MAGI2: variants seen among roughly 807,000 people sequenced by gnomAD.
The protein encoded by MAGI2 is membrane associated guanylate kinase, WW and PDZ domain containing 2.
A neutral mutation model predicts 133.3 loss-of-function variants in MAGI2; 35 were observed. The observed-to-expected ratio is 0.26, with a 90% CI of 0.20 to 0.35. The LOEUF (loss-of-function observed/expected upper bound fraction) is 0.35, where lower values mean the gene tolerates loss of function less well. MAGI2 is among the 10% of genes least tolerant of loss of function. The pLI, the probability that MAGI2 is intolerant of heterozygous loss-of-function variation, is 1.00. For synonymous variants in MAGI2, 729 were observed against 710.6 expected (o/e 1.03, Z -0.41); for missense variants, 1,636 against 1,863.4 (o/e 0.88, Z 2.25).
chr7:79,095,207 G>C (rs1584917079), intron 1 of MAGI2, among the ~76,000 whole-genome samples: 2 of 152,140 alleles, frequency 1.3e-5, no homozygotes, highest in African/African-American at 4.8e-5. Context: ...ACCTCTCTCA[G>C]CCTTCATAGA....
intron 14 of MAGI2, among the ~76,000 whole-genome samples, chr7:78,172,928 G>C (rs3807675): frequency 0.092 from 13,958 of 152,150 alleles, 861 homozygotes; most frequent in East Asian, 0.3. Flanking sequence ...TGGTTTTCAG[G>C]ACTAATTTTT....
rs566595264 is a variant in MAGI2, at chr7:78,849,991, C to A, written c.418+157099G>T. On this transcript the variant is annotated intron_variant, in intron 2 of 21. Coordinates refer to ENST00000354212, the MANE Select transcript of MAGI2 (RefSeq NM_012301.4). ...ACCAAATTAATATTTATGTTTAGTG[C>A]CTGACCTGGAGTAGGTAATAAATAG... 2.6e-5 allele frequency among the ~76,000 whole-genome samples: 4 copies of A among 152,020 alleles called. No homozygotes were observed. The South Asian group carries it at 8.3e-4, about 32-fold the overall frequency.
At chr7:78,312,833 T>C (rs1008588526) in intron 9 of MAGI2, among the ~76,000 whole-genome samples, 1 of 151,772 alleles carries the variant, frequency 6.6e-6, no homozygotes, top group Non-Finnish European at 1.5e-5. Context: ...GATACCTGCA[T>C]ACATATATAT....
intron 1 of MAGI2, among the ~76,000 whole-genome samples, chr7:79,068,492 T>A (rs2117132340): frequency 6.6e-6 from 1 of 152,312 alleles, no homozygotes; most frequent in African/African-American, 2.4e-5. Context: ...TTTTCTTCTT[T>A]ATTAGTCTGG....
At chr7:78,598,704 G>C (rs1476605250) in intron 3 of MAGI2, among the ~76,000 whole-genome samples, 1 of 152,146 alleles carries the variant, frequency 6.6e-6, no homozygotes, top group Non-Finnish European at 1.5e-5. Context: ...CCTGTACTAG[G>C]TAAGCTACTG....
chr7:78,358,606 G>A (rs765252668), intron 7 of MAGI2: 1 of 170,564 alleles, frequency 5.9e-6, no homozygotes. Context: ...GGATCTCACT[G>A]CCCTATGACA....
At chr7:78,696,009 C>T (rs1392690474) in intron 2 of MAGI2, among the ~76,000 whole-genome samples, 1 of 152,156 alleles carries the variant, frequency 6.6e-6, no homozygotes, top group Admixed American at 6.5e-5. Context: ...TATCATAGCT[C>T]ACTGCAGCCC....
At chr7:79,141,328 A>G (rs1345589286) in intron 1 of MAGI2, among the ~76,000 whole-genome samples, 1 of 152,180 alleles carries the variant, frequency 6.6e-6, no homozygotes, top group African/African-American at 2.4e-5. Flanking sequence ...TGGATTTTTC[A>G]TATATTTCAC....
chr7:78,965,176 T>C (rs1226365495), intron 2 of MAGI2, among the ~76,000 whole-genome samples: 2 of 151,416 alleles, frequency 1.3e-5, no homozygotes, highest in Admixed American at 1.3e-4. Flanking sequence ...CTAAATCTAA[T>C]TAATTAATAT....
At chr7:79,320,244 A>C (rs62458967) in intron 1 of MAGI2, among the ~76,000 whole-genome samples, 13,450 of 152,182 alleles carry the variant, frequency 0.088, 841 homozygotes, top group Middle Eastern at 0.15. Context: ...CACACACACA[A>C]AGAATACACA....
At chr7:78,230,258 T>A (rs1789829525) in intron 10 of MAGI2, among the ~76,000 whole-genome samples, 1 of 152,240 alleles carries the variant, frequency 6.6e-6, no homozygotes, top group Non-Finnish European at 1.5e-5. Context: ...ATAATGCTAC[T>A]TTTATATGAC....
At chr7:79,367,858 C>CACACACACACACACACACAT in intron 1 of MAGI2, among the ~76,000 whole-genome samples, 9 of 87,108 alleles carry the variant, frequency 1.0e-4, no homozygotes, top group African/African-American at 3.7e-4. Context: ...ATATATGTGA[C>CACACACACACACACACACAT]ATATATATAT....
At chr7:79,016,982 C>T (rs112756791) in intron 1 of MAGI2, among the ~76,000 whole-genome samples, 53 of 152,372 alleles carry the variant, frequency 3.5e-4, no homozygotes, top group Middle Eastern at 3.4e-3. Context: ...GGCGAGGCCC[C>T]GTGCATCTCC....
chr7:78,930,192 A>G (rs1334388147), intron 2 of MAGI2, among the ~76,000 whole-genome samples: 1 of 152,142 alleles, frequency 6.6e-6, no homozygotes, highest in African/African-American at 2.4e-5. Context: ...AAGAAAGCAG[A>G]AGCAAATTAC....
intron 21 of MAGI2, among the ~76,000 whole-genome samples, chr7:78,025,800 G>T (rs1410332859): frequency 6.6e-6 from 1 of 152,172 alleles, no homozygotes; most frequent in African/African-American, 2.4e-5. Flanking sequence ...TTCATCGGAG[G>T]CCCCTTAGGA....
At chr7:79,129,441 T>G (rs992227879) in intron 1 of MAGI2, among the ~76,000 whole-genome samples, 4 of 152,206 alleles carry the variant, frequency 2.6e-5, no homozygotes, top group African/African-American at 9.6e-5. Flanking sequence ...AAATAATGTT[T>G]TTTAGCACTT....
intron 2 of MAGI2, among the ~76,000 whole-genome samples, chr7:78,751,528 C>T (rs1823459480): frequency 6.6e-6 from 1 of 152,212 alleles, no homozygotes; most frequent in Admixed American, 6.5e-5. Flanking sequence ...CAATTTAATG[C>T]TTCCCTACTG....
chr7:78,180,291 C>T (rs577199603), intron 13 of MAGI2, among the ~76,000 whole-genome samples: 5 of 152,272 alleles, frequency 3.3e-5, no homozygotes, highest in South Asian at 4.1e-4. Flanking sequence ...CTTCAGCACC[C>T]ATCCATATTG....
intron 2 of MAGI2, among the ~76,000 whole-genome samples, chr7:78,804,387 T>C (rs2151391204): frequency 6.6e-6 from 1 of 151,932 alleles, no homozygotes; most frequent in African/African-American, 2.4e-5. Flanking sequence ...TTTCTAACTG[T>C]ATTTATAGAA....
Sources: gnomAD v4.1 joint callset for allele counts (sites outside exome capture counted in the v4.1 genomes callset) on GRCh38, gnomAD v4.1.1 for gene constraint, MANE v1.5 for transcripts, NCBI Gene and HGNC (gene_info 2026-07-23, HGNC 2026-07-21) for gene names.